PDE11A: variants seen among roughly 807,000 people sequenced by gnomAD.
The protein encoded by PDE11A is dual 3',5'-cyclic-AMP and -GMP phosphodiesterase 11A.
In PDE11A, 100 loss-of-function variants were observed where a neutral mutation model predicts 100.5. The observed-to-expected ratio is 1.00, with a 90% CI of 0.85 to 1.18. The LOEUF (loss-of-function observed/expected upper bound fraction) is 1.18, where lower values mean the gene tolerates loss of function less well. Ranked by LOEUF, PDE11A falls within the 50% of genes most tolerant of loss-of-function variation. The probability of loss-of-function intolerance (pLI) is 0.00; values close to 1 mark genes in which losing one functional copy is unlikely to be tolerated. For synonymous variants in PDE11A, 381 were observed against 420.8 expected (o/e 0.91, Z 1.16); for missense variants, 1,141 against 1,152.6 (o/e 0.99, Z 0.15).
rs1337687719 is a variant in PDE11A, at chr2:177,669,578, T to C, written c.2488-11A>G. 2 of 1,251,084 alleles carry C rather than the reference T, an allele frequency of 1.6e-6. No homozygotes were observed. Among genetic ancestry groups the C allele is most frequent in the African/African-American group, 1.5e-5 (1 of 67,900 alleles). 77.5% of individuals were successfully genotyped at this position (1,251,084 alleles called of 1,614,324 possible). On this transcript the variant is annotated splice_polypyrimidine_tract_variant and intron_variant, in intron 17 of 19. Coordinates refer to ENST00000286063, the MANE Select transcript of PDE11A (RefSeq NM_016953.4). ...TACAAGTTCTGCCACCTGAAACATA[T>C]AAATATTTTAATCTGTGATTATGTG... is the stretch of plus-strand genomic sequence containing the variant.
chr2:177,755,377 A>T (rs1189506667), intron 10 of PDE11A, among the ~76,000 whole-genome samples: 1 of 152,192 alleles, frequency 6.6e-6, no homozygotes, highest in Non-Finnish European at 1.5e-5. Flanking sequence ...GGTGTCACCC[A>T]GTTTCTAGAC....
chr2:177,799,181 G>A (rs554641246), intron 9 of PDE11A, among the ~76,000 whole-genome samples: 73 of 152,242 alleles, frequency 4.8e-4, no homozygotes, highest in Non-Finnish European at 6.3e-4. Flanking sequence ...AAATTGAAAA[G>A]TATGAAAAAG....
intron 2 of PDE11A, chr2:177,997,498 AT>A: frequency 1.2e-6 from 1 of 807,460 alleles, no homozygotes; most frequent in South Asian, 1.4e-5. Context: ...TGATTAAAAC[AT>A]TGATATTGTT....
intron 2 of PDE11A, among the ~76,000 whole-genome samples, chr2:177,993,694 T>C (rs2086032566): frequency 6.6e-6 from 1 of 152,150 alleles, no homozygotes; most frequent in South Asian, 2.1e-4. Flanking sequence ...GCTCCCCTCT[T>C]CCTAAGTAGT....
intron 2 of PDE11A, among the ~76,000 whole-genome samples, chr2:177,964,989 C>T (rs1156602997): frequency 6.6e-6 from 1 of 152,190 alleles, no homozygotes; most frequent in Non-Finnish European, 1.5e-5. Flanking sequence ...TTCCCACCAG[C>T]AGTGTATAAG....
At chr2:177,795,975 A>C (rs951588165) in intron 9 of PDE11A, among the ~76,000 whole-genome samples, 16 of 136,272 alleles carry the variant, frequency 1.2e-4, no homozygotes, top group East Asian at 4.3e-4. Flanking sequence ...ATATATATAT[A>C]TCTTTGCTTT....
chr2:177,715,541 T>C (rs2081424683), intron 12 of PDE11A, among the ~76,000 whole-genome samples: 1 of 152,042 alleles, frequency 6.6e-6, no homozygotes, highest in Non-Finnish European at 1.5e-5. Flanking sequence ...TCCAATTAGT[T>C]GGATACTGGA....
intron 16 of PDE11A, among the ~76,000 whole-genome samples, chr2:177,677,073 T>C (rs1276378688): frequency 6.6e-6 from 1 of 152,216 alleles, no homozygotes; most frequent in Non-Finnish European, 1.5e-5. Context: ...TCTATGAGGT[T>C]GCCTATTTGT....
At chr2:178,088,687 C>T (rs994388693) in intron 2 of PDE11A, among the ~76,000 whole-genome samples, 1 of 152,186 alleles carries the variant, frequency 6.6e-6, no homozygotes, top group African/African-American at 2.4e-5. Context: ...TATAATCATC[C>T]AATGGTCTAC....
At chr2:177,698,879 T>G (rs182025059) in intron 14 of PDE11A, among the ~76,000 whole-genome samples, 1 of 152,166 alleles carries the variant, frequency 6.6e-6, no homozygotes, top group Admixed American at 6.5e-5. Flanking sequence ...GCAGGTGTTC[T>G]GGGGCCAGAG....
chr2:178,009,688 C>T (rs1239939894), intron 2 of PDE11A, among the ~76,000 whole-genome samples: 1 of 152,082 alleles, frequency 6.6e-6, no homozygotes, highest in Non-Finnish European at 1.5e-5. Context: ...TGTAGCACAG[C>T]CACTGAATTA....
At chr2:177,728,930 T>C (rs934914525) in intron 10 of PDE11A, among the ~76,000 whole-genome samples, 1 of 152,290 alleles carries the variant, frequency 6.6e-6, no homozygotes, top group South Asian at 2.1e-4. Context: ...AAAAAATCTT[T>C]GGAAATCATT....
At chr2:177,881,852 T>A (rs937484053) in intron 4 of PDE11A, among the ~76,000 whole-genome samples, 3 of 152,262 alleles carry the variant, frequency 2.0e-5, no homozygotes, top group African/African-American at 7.2e-5. Context: ...CAGACCTTTA[T>A]TTTTAAAAGT....
At chr2:177,839,722 T>C (rs2083458780) in intron 6 of PDE11A, among the ~76,000 whole-genome samples, 1 of 152,220 alleles carries the variant, frequency 6.6e-6, no homozygotes, top group Non-Finnish European at 1.5e-5. Context: ...GTATATTCAA[T>C]ATGTATATAT....
chr2:177,945,735 G>T (rs2085409166), intron 2 of PDE11A, among the ~76,000 whole-genome samples: 3 of 150,810 alleles, frequency 2.0e-5, no homozygotes, highest in Non-Finnish European at 1.5e-5. Context: ...GGTGGGGGGG[G>T]TCAGCCCCCC....
At chr2:177,900,593 T>C (rs1281264293) in intron 3 of PDE11A, among the ~76,000 whole-genome samples, 1 of 151,982 alleles carries the variant, frequency 6.6e-6, no homozygotes, top group Non-Finnish European at 1.5e-5. Context: ...CTGTCTCTAC[T>C]AAAAATACAA....
intron 10 of PDE11A, among the ~76,000 whole-genome samples, chr2:177,744,313 C>A (rs938322538): frequency 6.7e-6 from 1 of 150,080 alleles, no homozygotes; most frequent in Non-Finnish European, 1.5e-5. Flanking sequence ...GTGTGCCAAC[C>A]AGTTGGACCT....
At chr2:178,101,833 T>C (rs1437416839) in intron 2 of PDE11A, among the ~76,000 whole-genome samples, 2 of 152,218 alleles carry the variant, frequency 1.3e-5, no homozygotes, top group Non-Finnish European at 2.9e-5. Context: ...GATATTGTGT[T>C]AATAATAAAT....
chr2:177,787,153 C>T (rs1574141338), intron 9 of PDE11A, among the ~76,000 whole-genome samples: 1 of 144,812 alleles, frequency 6.9e-6, no homozygotes, highest in Admixed American at 6.8e-5. Flanking sequence ...GTCGGGTTAC[C>T]CACAAAGGGA....
Sources: allele counts gnomAD v4.1 joint callset (sites outside exome capture counted in the v4.1 genomes callset), GRCh38; gene constraint gnomAD v4.1.1; transcripts MANE v1.5; gene names NCBI Gene and HGNC (gene_info 2026-07-23, HGNC 2026-07-21).